AHR: variants seen among roughly 807,000 people sequenced by gnomAD.
AHR encodes the protein AH-receptor.
AHR carries 40 observed loss-of-function variants against 86.8 expected under a neutral mutation model. The observed-to-expected ratio is 0.46, with a 90% confidence interval of 0.36 to 0.60. The LOEUF is 0.60. Ranked by LOEUF, AHR falls within the 20% of genes least tolerant of loss-of-function variation. The pLI is 0.00. For synonymous variants in AHR, 398 were observed against 354.9 expected (o/e 1.12, Z -1.37); for missense variants, 1,001 against 1,011.6 (o/e 0.99, Z 0.14).
intron 3 of AHR, 114 bp from the exon 4 acceptor site, chr7:17,327,645 G>A (rs1782243113): frequency 2.2e-6 from 1 of 447,360 alleles, no homozygotes; most frequent in Admixed American, 3.3e-5. Context: ...TTTGTGAAAT[G>A]TGACAATTTT....
chr7:17,340,937 G>A (rs1001721579), intron 10 of AHR, among the ~76,000 whole-genome samples: 6 of 151,664 alleles, frequency 4.0e-5, no homozygotes, highest in Admixed American at 6.6e-5. Flanking sequence ...ATCAGAATCC[G>A]TCTGGCAGTG....
chr7:17,327,977 G>A, intron 4 of AHR, 129 bp downstream of exon 4: 1 of 280,632 alleles, frequency 3.6e-6, no homozygotes. Flanking sequence ...TGTATTTGTA[G>A]CTAATAATTT....
Position 17,339,912 on chromosome 7 carries a change from A to C in AHR, c.2087A>C (p.Tyr696Ser), listed in dbSNP as rs746059971. 16 of 1,614,238 alleles carry C rather than the reference A, an allele frequency of 9.9e-6. No homozygotes were observed. The highest frequency in any genetic ancestry group is 1.4e-5 in the Non-Finnish European group (16 of 1,180,028). Residue 696 changes from tyrosine to serine, a missense_variant, in exon 10 of 11, where the codon TAT becomes TCT. By Grantham distance (144) the Tyr-to-Ser change is moderately radical (BLOSUM62 -2). Transcript: ENST00000242057. ...PYKSEMDSMP[Y>S]TQNFISCNQP... The stretch of plus-strand genomic sequence containing the variant: ...AAATCTGAAATGGATTCTATGCCTT[A>C]TACACAGAACTTTATTTCCTGTAAT...
intron 3 of AHR, among the ~76,000 whole-genome samples, chr7:17,323,522 T>C (rs1037899343): frequency 2.6e-5 from 4 of 152,146 alleles, no homozygotes; most frequent in Non-Finnish European, 2.9e-5. Context: ...CAGATACTTA[T>C]TTTGTTGAAA....
chr7:17,310,143 T>C lies in AHR; in HGVS notation c.253+20T>C. The stretch of plus-strand genomic sequence containing the variant: ...TTGATGGTAAGACAGAAGGGTTTAA[T>C]TTGTCTACAATAACGTATAAAAAAT... On this transcript the variant is annotated intron_variant, in intron 2 of 10. Transcript: ENST00000242057. 1 of 1,602,030 alleles carries C rather than the reference T, an allele frequency of 6.2e-7. No individual in the cohort carries two copies. The highest frequency in any genetic ancestry group is 8.5e-7 in the Non-Finnish European group (1 of 1,170,014).
intron 2 of AHR, among the ~76,000 whole-genome samples, chr7:17,312,166 A>G (rs1461900117): frequency 6.6e-6 from 1 of 152,168 alleles, no homozygotes; most frequent in African/African-American, 2.4e-5. Context: ...ATTTACTCAC[A>G]TGCTGTGCTT....
intron 1 of AHR, among the ~76,000 whole-genome samples, chr7:17,303,553 G>A (rs1224971509): frequency 1.3e-5 from 2 of 151,784 alleles, no homozygotes; most frequent in Non-Finnish European, 2.9e-5. Context: ...CTGTCTTATT[G>A]ATTTGCTACC....
intron 1 of AHR, among the ~76,000 whole-genome samples, chr7:17,300,817 A>G (rs1013936147): frequency 6.6e-6 from 1 of 152,178 alleles, no homozygotes; most frequent in Non-Finnish European, 1.5e-5. Context: ...ACTTAGCATC[A>G]TATATAATAG....
At chr7:17,300,043 A>G (rs1781938912) in intron 1 of AHR, among the ~76,000 whole-genome samples, 1 of 152,236 alleles carries the variant, frequency 6.6e-6, no homozygotes, top group Admixed American at 6.5e-5. Flanking sequence ...GGTCTGTAAA[A>G]TAAAAGATTT....
At chr7:17,313,635 T>G (rs1316434312) in intron 2 of AHR, among the ~76,000 whole-genome samples, 1 of 152,134 alleles carries the variant, frequency 6.6e-6, no homozygotes, top group Admixed American at 6.6e-5. Flanking sequence ...TATCCATTTC[T>G]AATTAATTAA....
rs146637233 is a variant in AHR, at chr7:17,330,121, T to C, written c.574+46T>C. The C allele has an allele frequency of 3.0e-5, 48 of 1,576,652 alleles. No homozygotes were observed. In the African/African-American group the frequency reaches 4.5e-4, roughly 15 times the overall value. ...AAATAGTGTTGGTAGTTTTTAAATA[T>C]GAGTCTGTGAAAGGAGGCTGGGAAC... On this transcript the variant is annotated intron_variant, in intron 5 of 10. Coordinates refer to ENST00000242057, the MANE Select transcript of AHR (RefSeq NM_001621.5).
In AHR at chr7:17,345,297, C is replaced by G. The variant is rs1034895471; in HGVS notation, c.*2233C>G. On this transcript the variant is annotated 3_prime_UTR_variant, in exon 11 of 11. Coordinates refer to ENST00000242057, the MANE Select transcript of AHR (RefSeq NM_001621.5). ...CACTGCACTCCAGCCTGGCAATAGA[C>G]CGAGACTCCGTCTCCAAAAAAAAAA... 3.3e-5 allele frequency: 5 copies of G among 151,562 alleles called. No homozygotes were observed. Among genetic ancestry groups the G allele is most frequent in the Admixed American group, 2.0e-4 (3 of 15,218 alleles). 9.4% of individuals were successfully genotyped at this position (151,562 alleles called of 1,614,324 possible). A position where few individuals can be genotyped will look rare whatever the true frequency, so the allele number is the denominator to read the frequency against.
intron 2 of AHR, among the ~76,000 whole-genome samples, chr7:17,322,184 T>C (rs919432659): frequency 6.6e-6 from 1 of 151,978 alleles, no homozygotes; most frequent in African/African-American, 2.4e-5. Context: ...TGTAACAGTG[T>C]TGTGCAGTTC....
chr7:17,323,983 G>A (rs568712476), intron 3 of AHR, among the ~76,000 whole-genome samples: 65 of 152,238 alleles, frequency 4.3e-4, no homozygotes, highest in African/African-American at 1.5e-3. Flanking sequence ...ACTGATTGAC[G>A]TAACACTTGG....
intron 9 of AHR, among the ~76,000 whole-genome samples, chr7:17,336,484 T>A (rs1562481601): frequency 1.3e-5 from 2 of 152,318 alleles, no homozygotes; most frequent in East Asian, 3.9e-4. Flanking sequence ...TCATTTTGTT[T>A]GTTTTGCCTT....
At chr7:17,318,640 G>C (rs908591117) in intron 2 of AHR, among the ~76,000 whole-genome samples, 1 of 152,042 alleles carries the variant, frequency 6.6e-6, no homozygotes, top group Admixed American at 6.6e-5. Flanking sequence ...TTCCCAGCTG[G>C]TGACCTATTT....
intron 2 of AHR, among the ~76,000 whole-genome samples, chr7:17,310,583 C>G (rs1278834135): frequency 1.3e-5 from 2 of 149,248 alleles, no homozygotes; most frequent in Non-Finnish European, 3.0e-5. Flanking sequence ...TGCCCAGGCT[C>G]GAGTGCAATG....
intron 2 of AHR, among the ~76,000 whole-genome samples, chr7:17,314,598 A>T (rs985185784): frequency 4.6e-5 from 7 of 152,002 alleles, no homozygotes; most frequent in African/African-American, 7.2e-5. Context: ...ATTTCTCTGA[A>T]TTTCAGTTGT....
rs1782093776 is a variant in AHR, at chr7:17,314,213, G to A, written c.253+4090G>A. Among the ~76,000 whole-genome samples the A allele has an allele frequency of 2.0e-5, 3 of 152,180 alleles. No homozygotes were observed. The South Asian group carries it at 6.2e-4, about 32-fold the overall frequency. ...CTGATTTCAAAGTCTTGCATTTGCA[G>A]CTGTCATAGGGAATAGTAGTATTCT... On this transcript the variant is annotated intron_variant, in intron 2 of 10. Transcript: ENST00000242057.
Sources: gnomAD v4.1 joint callset for allele counts (sites outside exome capture counted in the v4.1 genomes callset) on GRCh38, gnomAD v4.1.1 for gene constraint, MANE v1.5 for transcripts, NCBI Gene and HGNC (gene_info 2026-07-23, HGNC 2026-07-21) for gene names.